The following STAT5B variants were observed in gnomAD, a reference collection of about 807,000 sequenced individuals.
STAT5B encodes the protein transcription factor STAT5B.
STAT5B carries 21 observed loss-of-function variants against 107.8 expected under a neutral mutation model. That is an observed-to-expected ratio of 0.19 (90% CI 0.14 to 0.28). The LOEUF (loss-of-function observed/expected upper bound fraction) is 0.28. STAT5B is among the 10% of genes least tolerant of loss of function. The pLI is 1.00. For missense variants in STAT5B, 565 were observed against 1,008.2 expected, an observed-to-expected ratio of 0.56 and a Z score of 5.95; for synonymous variants, 325 against 401.7, an observed-to-expected ratio of 0.81 and a Z score of 2.28.
At chr17:42,234,980 G>GT (rs1343806393) in intron 1 of STAT5B, 4 of 152,240 alleles carry the variant, frequency 2.6e-5, no homozygotes. Flanking sequence ...GTAGTAAAGA[G>GT]TAAGAAGTAG....
chr17:42,209,352 G>A (rs1163213197), intron 15 of STAT5B, among the ~76,000 whole-genome samples: 1 of 152,086 alleles, frequency 6.6e-6, no homozygotes, highest in African/African-American at 2.4e-5. Flanking sequence ...ACCGCACCCA[G>A]CCAAAAGTTA....
chr17:42,217,014 T>G, intron 11 of STAT5B, 146 bp downstream of exon 11: 1 of 1,404,062 alleles, frequency 7.1e-7, no homozygotes, highest in Non-Finnish European at 9.7e-7. Context: ...AGTGAAACAG[T>G]TCTCAGGGTG....
chr17:42,204,218 A>G (rs1009180299), intron 16 of STAT5B, among the ~76,000 whole-genome samples: 3 of 152,212 alleles, frequency 2.0e-5, no homozygotes, highest in African/African-American at 4.8e-5. Context: ...GATGTGGCAG[A>G]TGAGCAGATA....
chr17:42,219,132 T>C (rs2080201280), intron 7 of STAT5B, among the ~76,000 whole-genome samples, 180 bp downstream of exon 7: 1 of 152,096 alleles, frequency 6.6e-6, no homozygotes, highest in Admixed American at 6.5e-5. Context: ...GCAGCCCCCT[T>C]CCTGGGGGAG....
chr17:42,207,462 CAA>C lies in STAT5B; in HGVS notation c.2077+94_2077+95del, dbSNP rs1238023444. The C allele has an allele frequency of 4.7e-6, 7 of 1,495,936 alleles. No individual in the cohort carries two copies. The Admixed American group carries it at 6.8e-5, about 15-fold the overall frequency. The allele number at this position is 1,495,936 out of a possible 1,614,324, so 92.7% of individuals were successfully genotyped here. ...AATGGTAATTGTGTGGGTTTTCACACAAGAGAGATAACACACGCAGGTATGCA... is the reference window on the plus strand; with the variant it reads ...AATGGTAATTGTGTGGGTTTTCACACGAGAGATAACACACGCAGGTATGCA... On this transcript the variant is annotated intron_variant, in intron 16 of 18. Transcript: ENST00000293328.
At chr17:42,205,853 G>C (rs1301122829) in intron 16 of STAT5B, among the ~76,000 whole-genome samples, 2 of 152,118 alleles carry the variant, frequency 1.3e-5, no homozygotes, top group African/African-American at 4.8e-5. Flanking sequence ...AGACTGCAGT[G>C]AGCAATGTAC....
At chr17:42,212,715 G>A (rs1038175969) in intron 12 of STAT5B, among the ~76,000 whole-genome samples, 7 of 152,222 alleles carry the variant, frequency 4.6e-5, no homozygotes, top group African/African-American at 1.7e-4. Flanking sequence ...TGAGAAATAG[G>A]TTAGAAGATT....
intron 7 of STAT5B, among the ~76,000 whole-genome samples, chr17:42,219,104 T>C (rs2353630): frequency 1.8e-4 from 28 of 152,260 alleles, no homozygotes; most frequent in African/African-American, 5.5e-4. Flanking sequence ...ACCCGAACCC[T>C]GTCCCATCTC....
chr17:42,267,764 G>T (rs1217021187), intron 1 of STAT5B, among the ~76,000 whole-genome samples: 1 of 151,982 alleles, frequency 6.6e-6, no homozygotes, highest in Admixed American at 6.5e-5. Context: ...TTTGAGACCA[G>T]CCTGGCCAAC....
intron 1 of STAT5B, among the ~76,000 whole-genome samples, chr17:42,266,137 T>TA (rs1162588991): frequency 6.6e-6 from 1 of 152,094 alleles, no homozygotes; most frequent in African/African-American, 2.4e-5. Context: ...TTTTATTAGT[T>TA]ATTAAAGCCA....
chr17:42,210,361 C>T (rs538817503), intron 14 of STAT5B, 42 bp downstream of exon 14: 1 of 1,614,168 alleles, frequency 6.2e-7, no homozygotes, highest in South Asian at 1.1e-5. Flanking sequence ...AGAGAGAAGA[C>T]CTTCAGACTC....
rs1189659732 is a variant in STAT5B, at chr17:42,202,502, T to C, written c.2130-55A>G. 13 of 1,594,996 alleles carry C rather than the reference T, an allele frequency of 8.2e-6. No individual in the cohort carries two copies. In the Admixed American group the frequency reaches 1.2e-4, roughly 15 times the overall value. ...TGCCAGGGAGGCCAGGGCAGCTGAC[T>C]TGGGGAGGGGACCAAGGGGTATCTT... On this transcript the variant is annotated intron_variant, in intron 17 of 18. Transcript: ENST00000293328.
intron 1 of STAT5B, among the ~76,000 whole-genome samples, chr17:42,254,617 T>G (rs2080526542): frequency 6.6e-6 from 1 of 152,104 alleles, no homozygotes; most frequent in Non-Finnish European, 1.5e-5. Flanking sequence ...GAGCTATGAT[T>G]GTTTCATCTA....
At chr17:42,236,373 C>T in intron 1 of STAT5B, among the ~76,000 whole-genome samples, 1 of 152,168 alleles carries the variant, frequency 6.6e-6, no homozygotes, top group East Asian at 1.9e-4. Context: ...ATTCTAAACA[C>T]CCAGTTTAGG....
At chr17:42,275,889 A>G (rs1359396458) in intron 1 of STAT5B, among the ~76,000 whole-genome samples, 1 of 152,044 alleles carries the variant, frequency 6.6e-6, no homozygotes, top group Non-Finnish European at 1.5e-5. Flanking sequence ...TTGCAACGTG[A>G]AGGTGTGAGG....
At chr17:42,215,448 G>T (rs1169999228) in intron 12 of STAT5B, among the ~76,000 whole-genome samples, 1 of 152,116 alleles carries the variant, frequency 6.6e-6, no homozygotes, top group Non-Finnish European at 1.5e-5. Context: ...GCAGACACTT[G>T]CTGGAAACTC....
chr17:42,262,972 A>ATATG (rs2080627400), intron 1 of STAT5B, among the ~76,000 whole-genome samples: 1 of 19,380 alleles, frequency 5.2e-5, no homozygotes, highest in Admixed American at 6.3e-4. Context: ...GTGTGTGTGT[A>ATATG]TATATATATA....
intron 3 of STAT5B, among the ~76,000 whole-genome samples, chr17:42,227,136 A>AAATAAATAAATAAAT (rs2080280084): frequency 4.5e-5 from 6 of 132,248 alleles, no homozygotes; most frequent in African/African-American, 1.7e-4. Flanking sequence ...CTCCGTCTCA[A>AAATAAATAAATAAAT]AAATAAATAA....
upstream of STAT5B, among the ~76,000 whole-genome samples, chr17:42,279,907 T>C (rs1006342980): frequency 6.6e-6 from 1 of 152,130 alleles, no homozygotes; most frequent in Admixed American, 6.5e-5. Context: ...AAGCTAGACC[T>C]GGCTGGGTGT....
Sources: gnomAD v4.1 joint callset for allele counts (sites outside exome capture counted in the v4.1 genomes callset) on GRCh38, gnomAD v4.1.1 for gene constraint, MANE v1.5 for transcripts, NCBI Gene and HGNC (gene_info 2026-07-23, HGNC 2026-07-21) for gene names.